DISC1: variants seen among roughly 807,000 people sequenced by gnomAD.
DISC1 encodes the protein disrupted in schizophrenia 1 protein.
DISC1 carries 57 observed loss-of-function variants against 84.5 expected under a neutral mutation model. The observed-to-expected ratio is 0.67, with a 90% CI of 0.55 to 0.84. The LOEUF (loss-of-function observed/expected upper bound fraction) is 0.84, where lower values mean the gene tolerates loss of function less well. Among genes scored for constraint, DISC1 ranks in the 40% least tolerant of loss-of-function variants. The probability of loss-of-function intolerance (pLI) is 0.00; values close to 1 mark genes in which losing one functional copy is unlikely to be tolerated. For synonymous variants in DISC1, 411 were observed against 415.2 expected, an observed-to-expected ratio of 0.99 and a Z score of 0.12; for missense variants, 1,000 against 1,057.8, an observed-to-expected ratio of 0.95 and a Z score of 0.76.
At chr1:231,790,427 C>T (rs115992683) in intron 6 of DISC1, among the ~76,000 whole-genome samples, 1,942 of 152,164 alleles carry the variant, frequency 0.013, 20 homozygotes, top group Non-Finnish European at 0.021. Flanking sequence ...TTCTGAGGCT[C>T]CTCTCCTTGG....
chr1:231,886,831 C>A (rs1419073021), intron 9 of DISC1, among the ~76,000 whole-genome samples: 4 of 114,888 alleles, frequency 3.5e-5, no homozygotes, highest in Non-Finnish European at 5.5e-5. Context: ...TTCTTTCTTT[C>A]TTTCCTTCTT....
At chr1:231,936,420 G>T (rs1253757094) in intron 9 of DISC1, among the ~76,000 whole-genome samples, 1 of 152,186 alleles carries the variant, frequency 6.6e-6, no homozygotes, top group East Asian at 1.9e-4. Flanking sequence ...GCATGTGACA[G>T]GGTAGGGTAG....
intron 4 of DISC1, among the ~76,000 whole-genome samples, chr1:231,762,839 A>C (rs1332960239): frequency 1.3e-5 from 2 of 152,154 alleles, no homozygotes; most frequent in East Asian, 3.8e-4. Context: ...GTCATTTATC[A>C]AGTCAATTTG....
chr1:231,938,110 G>A (rs2091093413), intron 9 of DISC1, among the ~76,000 whole-genome samples: 1 of 152,198 alleles, frequency 6.6e-6, no homozygotes, highest in South Asian at 2.1e-4. Context: ...GCCTGATGTG[G>A]TAGGCAGAAT....
intron 11 of DISC1, among the ~76,000 whole-genome samples, chr1:232,021,323 A>G (rs200835286): frequency 2.9e-5 from 4 of 140,010 alleles, no homozygotes; most frequent in Admixed American, 1.4e-4. Flanking sequence ...TTTTTACTGT[A>G]CTTGTTCTAT....
At chr1:232,030,092 G>T (rs1669859511) in intron 12 of DISC1, among the ~76,000 whole-genome samples, 1 of 152,212 alleles carries the variant, frequency 6.6e-6, no homozygotes, top group South Asian at 2.1e-4. Context: ...AATTGGGAGA[G>T]CTGGTGGTGG....
intron 9 of DISC1, among the ~76,000 whole-genome samples, chr1:231,879,908 G>A (rs2086171746): frequency 6.6e-6 from 1 of 152,126 alleles, no homozygotes; most frequent in Non-Finnish European, 1.5e-5. Flanking sequence ...CAGAGGTCTG[G>A]ACTCAGAGTG....
At chr1:231,822,357 G>A (rs1365306522) in intron 9 of DISC1, among the ~76,000 whole-genome samples, 1 of 152,126 alleles carries the variant, frequency 6.6e-6, no homozygotes, top group Non-Finnish European at 1.5e-5. Context: ...GGGATTCTAA[G>A]TGAGAATACC....
At chr1:231,772,710 A>G (rs140880860) in intron 6 of DISC1, among the ~76,000 whole-genome samples, 137 of 152,268 alleles carry the variant, frequency 9.0e-4, no homozygotes, top group African/African-American at 2.9e-3. Context: ...AAGGCCTTCA[A>G]ACTACCCGTC....
chr1:232,028,658 C>T (rs1351068392), intron 12 of DISC1, among the ~76,000 whole-genome samples: 16 of 152,240 alleles, frequency 1.1e-4, no homozygotes, highest in Non-Finnish European at 1.5e-5. Flanking sequence ...TCATAATGTA[C>T]ATTTAATATA....
chr1:231,739,907 T>C (rs1418057708), intron 3 of DISC1, among the ~76,000 whole-genome samples: 1 of 152,182 alleles, frequency 6.6e-6, no homozygotes, highest in Non-Finnish European at 1.5e-5. Context: ...TGAATGCTTG[T>C]GCTCCCTAAA....
chr1:231,694,433 A>G lies in DISC1; in HGVS notation c.675A>G (p.Glu225=). ...TTGGCTCTGCCGGGGAACGTGGAGAAGCAGAAGGCTGCCCACCATCCAGAG... is the reference window on the plus strand; with the variant it reads ...TTGGCTCTGCCGGGGAACGTGGAGAGGCAGAAGGCTGCCCACCATCCAGAG... ...LSLGSAGERG[E]AEGCPPSREA... is the part of the protein sequence containing the mutation. The change falls in exon 2 of 13, where the codon GAA becomes GAG. Residue 225 remains glutamate (E), a synonymous_variant. Coordinates refer to ENST00000439617, the MANE Select transcript of DISC1 (RefSeq NM_018662.3). 1.2e-6 allele frequency: 2 copies of G among 1,614,254 alleles called. No individual in the cohort carries two copies. Among genetic ancestry groups the G allele is most frequent in the Non-Finnish European group, 1.7e-6 (2 of 1,180,048 alleles).
chr1:231,906,019 C>CT (rs5781677), intron 9 of DISC1, among the ~76,000 whole-genome samples: 938 of 76,952 alleles, frequency 0.012, 45 homozygotes, highest in African/African-American at 0.027. Flanking sequence ...GAGGTCATGG[C>CT]TTTTTTTTTT....
chr1:231,844,114 C>T (rs961697267), intron 9 of DISC1, among the ~76,000 whole-genome samples: 16 of 152,052 alleles, frequency 1.1e-4, no homozygotes, highest in Admixed American at 5.9e-4. Flanking sequence ...GTGAGGAGCA[C>T]GGATTGTTTT....
At chr1:231,957,960 C>A (rs575939181) in intron 9 of DISC1, among the ~76,000 whole-genome samples, 1 of 152,122 alleles carries the variant, frequency 6.6e-6, no homozygotes. Context: ...GCATAAATAA[C>A]CCTTCAGAAT....
chr1:231,866,553 C>A, intron 9 of DISC1: 1 of 942,808 alleles, frequency 1.1e-6, no homozygotes, highest in Non-Finnish European at 1.8e-6. Context: ...GAGTCCTGGA[C>A]ACAGAGAAGT....
chr1:231,967,968 A>T lies in DISC1; in HGVS notation c.2042+9080A>T, dbSNP rs552269739. On this transcript the variant is annotated intron_variant, in intron 10 of 12. Transcript: ENST00000439617. ...CACTTTGATGGGGATTAGACTCAACACCATAGTAGTTCACTATTCTAGACA... is the reference window on the plus strand; with the variant it reads ...CACTTTGATGGGGATTAGACTCAACTCCATAGTAGTTCACTATTCTAGACA... 4.6e-5 allele frequency among the ~76,000 whole-genome samples: 7 copies of T among 152,354 alleles called. No homozygotes were observed. In the South Asian group the frequency reaches 1.4e-3, roughly 32 times the overall value.
chr1:231,727,598 C>A (rs1464303516), intron 3 of DISC1, among the ~76,000 whole-genome samples: 3 of 152,182 alleles, frequency 2.0e-5, no homozygotes, highest in Non-Finnish European at 2.9e-5. Flanking sequence ...AGAATTAAAT[C>A]TGAATCAAGA....
chr1:231,918,595 A>G (rs1451699094), intron 9 of DISC1, among the ~76,000 whole-genome samples: 5 of 152,228 alleles, frequency 3.3e-5, no homozygotes, highest in Non-Finnish European at 4.4e-5. Context: ...TTGGAATACA[A>G]CACTTGTGAA....
Sources: allele counts gnomAD v4.1 joint callset (sites outside exome capture counted in the v4.1 genomes callset), GRCh38; gene constraint gnomAD v4.1.1; transcripts MANE v1.5; gene names NCBI Gene and HGNC (gene_info 2026-07-23, HGNC 2026-07-21).